The following NRG1 variants were observed in gnomAD, a reference collection of about 807,000 sequenced individuals.
NRG1 encodes neuregulin 1, also known as pro-neuregulin-1, membrane-bound isoform.
Under a neutral mutation model 63.8 loss-of-function variants are expected in NRG1, and 18 were observed. The observed-to-expected ratio is 0.28, with a 90% CI of 0.19 to 0.42. NRG1 has a LOEUF of 0.42. NRG1 is among the 10% of genes least tolerant of loss of function. The pLI is 1.00. For missense variants in NRG1, 762 were observed against 814.7 expected, an observed-to-expected ratio of 0.94 and a Z score of 0.79; for synonymous variants, 302 against 301.3, an observed-to-expected ratio of 1.00 and a Z score of -0.02.
intron 6 of NRG1, among the ~76,000 whole-genome samples, chr8:32,728,850 G>A (rs977940731): frequency 6.6e-6 from 1 of 152,258 alleles, no homozygotes; most frequent in East Asian, 1.9e-4. Flanking sequence ...CAGATCACGA[G>A]GTCAGGAGAT....
chr8:31,927,744 G>A (rs1834502606), intron 1 of NRG1, among the ~76,000 whole-genome samples: 1 of 150,694 alleles, frequency 6.6e-6, no homozygotes, highest in South Asian at 2.1e-4. Context: ...CACCGCGCCC[G>A]GCCTACTTTT....
chr8:32,421,758 A>G (rs1009182882), intron 1 of NRG1, among the ~76,000 whole-genome samples: 5 of 152,220 alleles, frequency 3.3e-5, no homozygotes, highest in African/African-American at 9.6e-5. Context: ...TACACAGTGC[A>G]ACATCTTTAA....
At chr8:32,125,452 C>T (rs1463388306) in intron 1 of NRG1, among the ~76,000 whole-genome samples, 1 of 151,946 alleles carries the variant, frequency 6.6e-6, no homozygotes, top group African/African-American at 2.4e-5. Context: ...CTTCTGTAAT[C>T]TGCTGATTAA....
At chr8:32,595,917 T>A in exon 2 of NRG1, 1 of 1,613,794 alleles carries the variant, frequency 6.2e-7, no homozygotes, top group Non-Finnish European at 8.5e-7. Flanking sequence ...TTCTGAATAC[T>A]CCTCTCTCAG....
intron 1 of NRG1, among the ~76,000 whole-genome samples, chr8:31,833,127 G>A (rs1394053413): frequency 6.6e-6 from 1 of 152,162 alleles, no homozygotes; most frequent in Non-Finnish European, 1.5e-5. Flanking sequence ...GATTGGGAAA[G>A]AAAATTGTTA....
chr8:32,406,668 A>T (rs954266965), intron 1 of NRG1, among the ~76,000 whole-genome samples: 13 of 152,270 alleles, frequency 8.5e-5, no homozygotes, highest in African/African-American at 3.1e-4. Context: ...AAGTTTATTC[A>T]TATTTAATAT....
chr8:32,751,550 A>T (rs1402481733), intron 7 of NRG1, among the ~76,000 whole-genome samples: 1 of 152,218 alleles, frequency 6.6e-6, no homozygotes, highest in African/African-American at 2.4e-5. Flanking sequence ...CCTTGATCAC[A>T]TTCATAGTGT....
At chr8:32,472,330 C>T (rs866367948) in intron 1 of NRG1, among the ~76,000 whole-genome samples, 7 of 152,142 alleles carry the variant, frequency 4.6e-5, no homozygotes, top group African/African-American at 1.7e-4. Context: ...CCATGACACC[C>T]TGCTAATTTT....
At chr8:31,651,807 C>T (rs776837650) in intron 1 of NRG1, among the ~76,000 whole-genome samples, 4 of 151,922 alleles carry the variant, frequency 2.6e-5, no homozygotes, top group Non-Finnish European at 5.9e-5. Flanking sequence ...TTCAGTTTAA[C>T]GTCTCCGACC....
At chr8:32,038,294 T>G (rs1819400827) in intron 1 of NRG1, among the ~76,000 whole-genome samples, 1 of 152,106 alleles carries the variant, frequency 6.6e-6, no homozygotes, top group African/African-American at 2.4e-5. Flanking sequence ...TTCCTCACTG[T>G]CTGTGGGTTG....
rs1834146822 is a variant in NRG1, at chr8:32,126,940, T to C, written c.38-468888T>C. Among the ~76,000 whole-genome samples the C allele has an allele frequency of 2.0e-5, 3 of 151,964 alleles. No individual in the cohort carries two copies. The South Asian group carries it at 6.2e-4, about 32-fold the overall frequency. ...GAAGATATGGACTATGTCTCATATC[T>C]TCAAATCCTCCACAGTCATCTCCTG... is the stretch of plus-strand genomic sequence containing the variant. On this transcript the variant is annotated intron_variant, in intron 1 of 10. Transcript: ENST00000519301.
chr8:32,529,211 C>T (rs1193266313), intron 1 of NRG1, among the ~76,000 whole-genome samples: 1 of 152,144 alleles, frequency 6.6e-6, no homozygotes, highest in African/African-American at 2.4e-5. Flanking sequence ...TGCATCTAAA[C>T]ATATCTAAAC....
At chr8:32,238,707 C>CT (rs1381913180) in intron 1 of NRG1, among the ~76,000 whole-genome samples, 2 of 152,110 alleles carry the variant, frequency 1.3e-5, no homozygotes, top group Non-Finnish European at 2.9e-5. Context: ...CTTACATCCA[C>CT]TTTTTTTGTT....
intron 1 of NRG1, among the ~76,000 whole-genome samples, chr8:31,658,740 G>A (rs142005183): frequency 6.6e-6 from 1 of 152,176 alleles, no homozygotes; most frequent in Non-Finnish European, 1.5e-5. Flanking sequence ...TGAGATGACA[G>A]GTATGAGCCG....
intron 1 of NRG1, among the ~76,000 whole-genome samples, chr8:32,443,520 G>C (rs969710489): frequency 9.2e-5 from 14 of 152,184 alleles, no homozygotes; most frequent in Non-Finnish European, 1.6e-4. Flanking sequence ...AGGATGCTAG[G>C]ACAAGTGGCA....
intron 1 of NRG1, among the ~76,000 whole-genome samples, chr8:31,958,620 A>G (rs1804877193): frequency 6.6e-6 from 1 of 152,208 alleles, no homozygotes; most frequent in Non-Finnish European, 1.5e-5. Flanking sequence ...GAAGCTTCCT[A>G]AGGTGACCAC....
chr8:32,357,600 C>T (rs1451237232), intron 1 of NRG1, among the ~76,000 whole-genome samples: 1 of 152,186 alleles, frequency 6.6e-6, no homozygotes, highest in Non-Finnish European at 1.5e-5. Flanking sequence ...ATTGTGTGGC[C>T]ATTTGTGCCC....
chr8:32,646,710 CG>C lies in NRG1; in HGVS notation c.502+29828del, dbSNP rs1019415020. 4 of 985,180 alleles carry C rather than the reference CG, an allele frequency of 4.1e-6. No homozygotes were observed. The African/African-American group carries it at 7.0e-5, about 17-fold the overall frequency. The allele number at this position is 985,180 out of a possible 1,614,324, so 61.0% of individuals were successfully genotyped here. On this transcript the variant is annotated intron_variant, in intron 5 of 11. Coordinates refer to ENST00000356819, the Ensembl canonical transcript of NRG1. The stretch of plus-strand genomic sequence containing the variant: ...GAGAAAGAAAGAAAAAGGAGGAAAA[CG>C]GGTGGGGGCCATGGGGACTAGGCTT...
At chr8:32,767,417 A>T (rs1036062110) in exon 12 of NRG1, 1 of 152,246 alleles carries the variant, frequency 6.6e-6, no homozygotes, top group Non-Finnish European at 1.5e-5. Flanking sequence ...TCCACCAGCC[A>T]GAGATTTCTA....
Sources: allele counts gnomAD v4.1 joint callset (sites outside exome capture counted in the v4.1 genomes callset), GRCh38; gene constraint gnomAD v4.1.1; transcripts MANE v1.5; gene names NCBI Gene and HGNC (gene_info 2026-07-23, HGNC 2026-07-21).